XPO7: variants seen among roughly 807,000 people sequenced by gnomAD.
XPO7 encodes the protein exportin-7.
XPO7 carries 21 observed loss-of-function variants against 144.3 expected under a neutral mutation model. The ratio of observed to expected loss-of-function variants is 0.15; its 90% CI spans 0.10 to 0.21. The LOEUF is 0.21. Ranked by LOEUF, XPO7 falls within the 10% of genes least tolerant of loss-of-function variation. The pLI is 1.00. For missense variants in XPO7, 808 were observed against 1,325.8 expected (o/e 0.61, Z 6.06); for synonymous variants, 580 against 499.6 (o/e 1.16, Z -2.15).
intron 5 of XPO7, among the ~76,000 whole-genome samples, chr8:21,972,941 AAAT>A (rs1191131032): frequency 2.6e-5 from 4 of 152,346 alleles, no homozygotes; most frequent in African/African-American, 9.6e-5. Context: ...GTAATTACCA[AAAT>A]AATAACAGCT....
chr8:21,984,886 G>A (rs958124345), intron 12 of XPO7, 47 bp downstream of exon 12: 5 of 1,593,122 alleles, frequency 3.1e-6, no homozygotes, highest in East Asian at 2.2e-5. Flanking sequence ...AGGAGATGTT[G>A]TCTAGTACCC....
At chr8:21,995,307 C>T (rs866455383) in intron 20 of XPO7, among the ~76,000 whole-genome samples, 185 bp from the exon 21 acceptor site, 14 of 152,254 alleles carry the variant, frequency 9.2e-5, no homozygotes, top group Admixed American at 3.3e-4. Flanking sequence ...ATGCCTTTCA[C>T]AGGTTAAAGA....
intron 27 of XPO7, 25 bp from the exon 28 acceptor site, chr8:22,004,970 C>A: frequency 6.6e-7 from 1 of 1,512,064 alleles, no homozygotes; most frequent in Non-Finnish European, 9.0e-7. Flanking sequence ...TCTCCTCCCC[C>A]AACCCACATG....
intron 8 of XPO7, among the ~76,000 whole-genome samples, chr8:21,978,471 G>C (rs1812296274): frequency 6.6e-6 from 1 of 152,210 alleles, no homozygotes; most frequent in South Asian, 2.1e-4. Flanking sequence ...TTGTTCAGTA[G>C]AGGACTTTTC....
At chr8:22,002,385 G>A (rs1205088010) in intron 25 of XPO7, 113 bp downstream of exon 25, 3 of 1,306,546 alleles carry the variant, frequency 2.3e-6, no homozygotes, top group Non-Finnish European at 3.1e-6. Flanking sequence ...GGTTCCTGCT[G>A]CTGAGATGAA....
At position 21,987,282 on chromosome 8, in the gene XPO7, A is replaced by T. The variant is rs749169498; in HGVS notation, c.1713+6A>T. Reference sequence around the variant, plus strand: ...AAGTGCAGAAATCCTCTAAGGTAACAGCCTCTCAATTGGCTCCCCTTAGTT... The same window carrying T: ...AAGTGCAGAAATCCTCTAAGGTAACTGCCTCTCAATTGGCTCCCCTTAGTT... On this transcript the variant is annotated splice_donor_region_variant and intron_variant, in intron 14 of 27. Coordinates refer to ENST00000252512, the MANE Select transcript of XPO7 (RefSeq NM_015024.5). 3.7e-6 allele frequency: 6 copies of T among 1,613,878 alleles called. No individual in the cohort carries two copies.
At chr8:21,935,238 C>G (rs1810784052) in intron 1 of XPO7, among the ~76,000 whole-genome samples, 1 of 152,180 alleles carries the variant, frequency 6.6e-6, no homozygotes, top group East Asian at 1.9e-4. Context: ...ATTTAAATAG[C>G]AGCTGTAGAT....
intron 1 of XPO7, among the ~76,000 whole-genome samples, chr8:21,929,556 A>G (rs1323097565): frequency 6.6e-6 from 1 of 152,242 alleles, no homozygotes; most frequent in African/African-American, 2.4e-5. Context: ...TACAGATGAG[A>G]TGGAGAATAT....
chr8:21,992,021 C>T, intron 19 of XPO7, 47 bp downstream of exon 19: 2 of 1,492,564 alleles, frequency 1.3e-6, no homozygotes, highest in South Asian at 1.2e-5. Flanking sequence ...TGGTTTAGGG[C>T]AGTCTCTGAT....
At chr8:21,967,330 G>A (rs1239828082) in intron 2 of XPO7, among the ~76,000 whole-genome samples, 1 of 152,008 alleles carries the variant, frequency 6.6e-6, no homozygotes, top group Non-Finnish European at 1.5e-5. Context: ...CTTTGTGTTT[G>A]TTTATTTATT....
chr8:21,924,517 G>A (rs1810397830), intron 1 of XPO7, among the ~76,000 whole-genome samples: 1 of 151,538 alleles, frequency 6.6e-6, no homozygotes, highest in Non-Finnish European at 1.5e-5. Context: ...CTCAAGCTGA[G>A]TAACCTGAGA....
intron 12 of XPO7, 102 bp from the exon 13 acceptor site, chr8:21,985,484 A>G (rs1812548315): frequency 6.3e-6 from 7 of 1,104,414 alleles, no homozygotes; most frequent in South Asian, 5.2e-5. Context: ...GTAAGACTTC[A>G]TGGTTTCACC....
In XPO7 at chr8:21,971,888, T is replaced by C. The variant is rs779188199; in HGVS notation, c.439T>C (p.Tyr147His). ...VTRFLQDSVEYCIIGVTILSQ... is the reference protein window; with the variant it reads ...VTRFLQDSVEHCIIGVTILSQ... The stretch of plus-strand genomic sequence containing the variant: ...TTTTTTTAACCAGGATAGTGTTGAA[T>C]ACTGCATCATTGGTGTCACAATTTT... Residue 147 changes from tyrosine to histidine, a missense_variant, in exon 5 of 28, where the codon TAC (tyrosine) becomes CAC (histidine). Physicochemically the swap from Tyr to His is moderately conservative, Grantham distance 83. This residue lies in a region of XPO7 where 223 missense variants were observed against 368.8 expected (regional missense o/e 0.60). Transcript: ENST00000252512. The C allele has an allele frequency of 1.9e-6, 3 of 1,613,454 alleles. No homozygotes were observed. The highest frequency in any genetic ancestry group is 2.5e-6 in the Non-Finnish European group (3 of 1,179,718).
rs190349746 is a variant in XPO7, at chr8:21,980,973, C to G, written c.958-758C>G. Among the ~76,000 whole-genome samples, 455 of 149,754 alleles carry G rather than the reference C, an allele frequency of 3.0e-3. 3 individuals carry two copies. The highest frequency in any genetic ancestry group is 3.5e-3 in the Non-Finnish European group (234 of 67,134). ...CAGTATTTTTTTGAAAGTATCACTTCTCTATACTAGAAGAAAATTAAAAAG... is the reference window on the plus strand; with the variant it reads ...CAGTATTTTTTTGAAAGTATCACTTGTCTATACTAGAAGAAAATTAAAAAG... On this transcript the variant is annotated intron_variant, in intron 9 of 27. Coordinates refer to ENST00000252512, the MANE Select transcript of XPO7 (RefSeq NM_015024.5).
At chr8:21,920,682 C>T (rs1376607922) in intron 1 of XPO7, among the ~76,000 whole-genome samples, 1 of 152,310 alleles carries the variant, frequency 6.6e-6, no homozygotes, top group Admixed American at 6.5e-5. Context: ...GGTTTAATTT[C>T]TTGCAAACTA....
At chr8:21,965,625 C>T (rs562032490) in intron 1 of XPO7, among the ~76,000 whole-genome samples, 8 of 152,196 alleles carry the variant, frequency 5.3e-5, no homozygotes, top group Non-Finnish European at 4.4e-5. Context: ...GATCTTAGGG[C>T]GTCAGTATTC....
At chr8:21,987,956 G>A in intron 15 of XPO7, 99 bp downstream of exon 15, 1 of 1,279,702 alleles carries the variant, frequency 7.8e-7, no homozygotes, top group Non-Finnish European at 1.1e-6. Context: ...TGGTATTCCA[G>A]CATTGATCGT....
intron 1 of XPO7, among the ~76,000 whole-genome samples, chr8:21,942,359 T>TTG (rs1811020798): frequency 6.6e-6 from 1 of 152,244 alleles, no homozygotes; most frequent in Non-Finnish European, 1.5e-5. Context: ...GAATATGTGA[T>TTG]TCATTTAAAA....
chr8:21,967,451 C>T (rs1419793572), intron 2 of XPO7, among the ~76,000 whole-genome samples: 1 of 152,172 alleles, frequency 6.6e-6, no homozygotes, highest in Non-Finnish European at 1.5e-5. Context: ...CTGCCTCAGC[C>T]TCCCGAGTAG....
Sources: allele counts gnomAD v4.1 joint callset (sites outside exome capture counted in the v4.1 genomes callset), GRCh38; gene constraint gnomAD v4.1.1; regional missense constraint gnomAD v4.1.1; transcripts MANE v1.5; gene names NCBI Gene and HGNC (gene_info 2026-07-23, HGNC 2026-07-21).